ZMYND8: variants seen among roughly 807,000 people sequenced by gnomAD.
ZMYND8 encodes MYND-type zinc finger-containing chromatin reader ZMYND8.
Under a neutral mutation model 140.8 loss-of-function variants are expected in ZMYND8, and 37 were observed. The ratio of observed to expected loss-of-function variants is 0.26; its 90% CI spans 0.20 to 0.35. The LOEUF is 0.35. ZMYND8 is among the 10% of genes least tolerant of loss of function. ZMYND8 has a pLI of 1.00. For missense variants in ZMYND8, 1,068 were observed against 1,570.0 expected (o/e 0.68, Z 5.40); for synonymous variants, 592 against 597.1 (o/e 0.99, Z 0.12).
intron 2 of ZMYND8, chr20:47,318,641 T>A: frequency 2.3e-6 from 1 of 431,956 alleles, no homozygotes; most frequent in Non-Finnish European, 4.6e-6. Context: ...CCTCCAACGC[T>A]GACCGTCTCT....
intron 13 of ZMYND8, among the ~76,000 whole-genome samples, chr20:47,247,567 A>G (rs2040717063): frequency 6.6e-6 from 1 of 152,172 alleles, no homozygotes; most frequent in African/African-American, 2.4e-5. Context: ...CCTGCCCCCA[A>G]CCATATGTTA....
chr20:47,315,286 T>C (rs2079289999), intron 2 of ZMYND8, among the ~76,000 whole-genome samples: 1 of 152,168 alleles, frequency 6.6e-6, no homozygotes, highest in South Asian at 2.1e-4. Flanking sequence ...CCAAACCTTC[T>C]AGTTTCAGCA....
intron 11 of ZMYND8, among the ~76,000 whole-genome samples, chr20:47,270,773 G>C (rs74564184): frequency 0.11 from 17,037 of 150,812 alleles, 1,092 homozygotes; most frequent in South Asian, 0.27. Flanking sequence ...TAATTTGAGG[G>C]TTCTCTTGAA....
In ZMYND8 at chr20:47,210,555, C is replaced by T; in HGVS notation, c.*206G>A. On this transcript the variant is annotated 3_prime_UTR_variant, in exon 23 of 23. Coordinates refer to ENST00000471951, the MANE Select transcript of ZMYND8 (RefSeq NM_001281775.3). ...CATTATTTACACCAAAAGCACAGGG[C>T]TCGTGTGGGTGAACAGTCTGCAGTC... The T allele has an allele frequency of 3.1e-6, 2 of 643,984 alleles. No homozygotes were observed. Among genetic ancestry groups the T allele is most frequent in the Non-Finnish European group, 5.4e-6 (2 of 371,440 alleles). The allele number at this position is 643,984 out of a possible 1,614,324, so 39.9% of individuals were successfully genotyped here. A position where few individuals can be genotyped will look rare whatever the true frequency, so the allele number is the denominator to read the frequency against.
In ZMYND8 at chr20:47,246,005, T is replaced by C; in HGVS notation, c.2284+3A>G. Reference sequence around the variant, plus strand: ...AAAACTGGAAACAGATACAATCACTTACCATCCTGTTTGGGAGATGGTTCT... The same window carrying C: ...AAAACTGGAAACAGATACAATCACTCACCATCCTGTTTGGGAGATGGTTCT... On this transcript the variant is annotated splice_donor_region_variant and intron_variant, in intron 14 of 22. Transcript: ENST00000471951. 6.3e-7 allele frequency: 1 copy of C among 1,584,994 alleles called. No homozygotes were observed. Among genetic ancestry groups the C allele is most frequent in the Non-Finnish European group, 8.6e-7 (1 of 1,168,708 alleles).
chr20:47,281,441 G>C (rs956823282), intron 10 of ZMYND8, among the ~76,000 whole-genome samples: 2 of 152,162 alleles, frequency 1.3e-5, no homozygotes, highest in African/African-American at 4.8e-5. Context: ...ATCATAACTT[G>C]ATAAAAGAGA....
At chr20:47,282,517 G>T (rs2076667956) in intron 9 of ZMYND8, among the ~76,000 whole-genome samples, 1 of 152,162 alleles carries the variant, frequency 6.6e-6, no homozygotes, top group African/African-American at 2.4e-5. Flanking sequence ...CTGAGGTCAG[G>T]AGTTCGAGAC....
intron 11 of ZMYND8, among the ~76,000 whole-genome samples, chr20:47,265,043 A>AAAAT (rs1275980003): frequency 1.3e-5 from 1 of 74,436 alleles, no homozygotes; most frequent in African/African-American, 6.1e-5. Flanking sequence ...TCCCCAAAAA[A>AAAAT]ATATATATAC....
At chr20:47,258,738 A>C (rs2074940776) in intron 12 of ZMYND8, among the ~76,000 whole-genome samples, 1 of 152,162 alleles carries the variant, frequency 6.6e-6, no homozygotes, top group Admixed American at 6.5e-5. Context: ...GACAGAATCA[A>C]GCCCTATAAA....
intron 12 of ZMYND8, among the ~76,000 whole-genome samples, chr20:47,253,488 G>C (rs970912760): frequency 2.2e-5 from 3 of 137,842 alleles, no homozygotes; most frequent in African/African-American, 8.2e-5. Context: ...AGTGAGCCGA[G>C]ATCACACCAC....
At chr20:47,285,901 C>A in intron 8 of ZMYND8, 8 of 929,024 alleles carry the variant, frequency 8.6e-6, no homozygotes, top group Non-Finnish European at 1.0e-5. Flanking sequence ...CATAAATATA[C>A]AGACATAAGC....
chr20:47,309,924 G>A, intron 3 of ZMYND8, 132 bp downstream of exon 3: 2 of 1,268,612 alleles, frequency 1.6e-6, no homozygotes, highest in Non-Finnish European at 2.2e-6. Context: ...TTTTGTCCAA[G>A]GCAAATGACA....
At chr20:47,296,340 TG>T (rs2148033658) in intron 4 of ZMYND8, among the ~76,000 whole-genome samples, 1 of 152,264 alleles carries the variant, frequency 6.6e-6, no homozygotes, top group Non-Finnish European at 1.5e-5. Context: ...AAGGCTTTTT[TG>T]TACAAGGACT....
intron 22 of ZMYND8, 138 bp downstream of exon 22, chr20:47,212,504 G>T: frequency 1.1e-6 from 1 of 944,716 alleles, no homozygotes; most frequent in Non-Finnish European, 1.7e-6. Context: ...AAGAAACGTT[G>T]CAAAGGAAGA....
intron 3 of ZMYND8, among the ~76,000 whole-genome samples, chr20:47,305,261 T>C (rs1031717976): frequency 6.6e-5 from 10 of 151,610 alleles, no homozygotes; most frequent in Middle Eastern, 3.4e-3. Context: ...TTTTTCTTTT[T>C]TCTGAGACAG....
chr20:47,246,378 C>T lies in ZMYND8; in HGVS notation c.1914G>A (p.Glu638=). 6.2e-7 allele frequency: 1 copy of T among 1,614,080 alleles called. No homozygotes were observed. Among genetic ancestry groups the T allele is most frequent in the Admixed American group, 1.7e-5 (1 of 59,990 alleles). Reference sequence around the variant, plus strand: ...TGTCCATCTGACAACCTTCTTTGTCCTCTGTGTCTTCTGGCTCGTTCTTAG... The same window carrying T: ...TGTCCATCTGACAACCTTCTTTGTCTTCTGTGTCTTCTGGCTCGTTCTTAG... The part of the protein sequence containing the change: ...QKSKNEPEDT[E]DKEGCQMDKE... The change falls in exon 14 of 23, where the codon GAG becomes GAA. Residue 638 remains glutamate (E), a synonymous_variant. Coordinates refer to ENST00000471951, the MANE Select transcript of ZMYND8 (RefSeq NM_001281775.3).
intron 16 of ZMYND8, among the ~76,000 whole-genome samples, chr20:47,230,007 G>A (rs958297845): frequency 2.6e-5 from 4 of 152,178 alleles, no homozygotes; most frequent in South Asian, 2.1e-4. Context: ...CTAGAGGGTC[G>A]AGGCAGGGAC....
intron 2 of ZMYND8, among the ~76,000 whole-genome samples, chr20:47,332,381 G>A (rs1477086533): frequency 6.6e-6 from 1 of 152,026 alleles, no homozygotes; most frequent in Non-Finnish European, 1.5e-5. Flanking sequence ...AAGATGTGGG[G>A]GTCAAGACAG....
intron 3 of ZMYND8, among the ~76,000 whole-genome samples, chr20:47,300,963 G>T (rs2077998515): frequency 6.7e-6 from 1 of 149,212 alleles, no homozygotes; most frequent in East Asian, 2.0e-4. Context: ...GTAGAGACAG[G>T]GTTTCACCAT....
Sources: gnomAD v4.1 joint callset for allele counts (sites outside exome capture counted in the v4.1 genomes callset) on GRCh38, gnomAD v4.1.1 for gene constraint, MANE v1.5 for transcripts, NCBI Gene and HGNC (gene_info 2026-07-23, HGNC 2026-07-21) for gene names.